Variants in ZNF710 observed in about 807,000 individuals in gnomAD.
ZNF710 encodes the protein zinc finger protein 710.
ZNF710 carries 13 observed loss-of-function variants against 50.6 expected under a neutral mutation model. The observed-to-expected ratio is 0.26, with a 90% CI of 0.17 to 0.41. The LOEUF (loss-of-function observed/expected upper bound fraction) is 0.41, where lower values mean the gene tolerates loss of function less well. Among genes scored for constraint, ZNF710 ranks in the 10% least tolerant of loss-of-function variants. The probability of loss-of-function intolerance (pLI) is 1.00; values close to 1 mark genes in which losing one functional copy is unlikely to be tolerated. For synonymous variants in ZNF710, 383 were observed against 397.0 expected (o/e 0.96, Z 0.42); for missense variants, 721 against 936.6 (o/e 0.77, Z 3.01).
At chr15:90,057,946 T>C (rs1899875597) in intron 1 of ZNF710, among the ~76,000 whole-genome samples, 1 of 152,142 alleles carries the variant, frequency 6.6e-6, no homozygotes, top group African/African-American at 2.4e-5. Flanking sequence ...CATGGGGGCT[T>C]CACCCCTCAT....
At chr15:90,008,010 A>G (rs1898182371) in intron 1 of ZNF710, among the ~76,000 whole-genome samples, 1 of 152,074 alleles carries the variant, frequency 6.6e-6, no homozygotes, top group African/African-American at 2.4e-5. Flanking sequence ...AGGCTAAATT[A>G]AAAATTCTAG....
At chr15:90,004,667 C>T (rs1898094235) in intron 1 of ZNF710, among the ~76,000 whole-genome samples, 1 of 152,186 alleles carries the variant, frequency 6.6e-6, no homozygotes, top group Non-Finnish European at 1.5e-5. Flanking sequence ...GTGGCAGAGC[C>T]AGCACTCAAC....
intron 1 of ZNF710, among the ~76,000 whole-genome samples, chr15:90,061,659 G>C (rs570272049): frequency 8.1e-4 from 124 of 152,208 alleles, no homozygotes; most frequent in African/African-American, 2.9e-3. Flanking sequence ...GATCCCACCC[G>C]ACCCTCCTCT....
At chr15:90,037,578 G>A (rs775418161) in intron 1 of ZNF710, among the ~76,000 whole-genome samples, 74 of 152,348 alleles carry the variant, frequency 4.9e-4, no homozygotes, top group Non-Finnish European at 9.8e-4. Flanking sequence ...CAGAGCTTGG[G>A]TAGCAGAGCT....
chr15:90,009,124 C>T (rs1042267501), intron 1 of ZNF710, among the ~76,000 whole-genome samples: 11 of 151,336 alleles, frequency 7.3e-5, no homozygotes, highest in African/African-American at 2.7e-4. Flanking sequence ...CTGGATGGTA[C>T]CTGAAATGCC....
chr15:90,020,737 AT>A (rs1372945347), intron 1 of ZNF710, among the ~76,000 whole-genome samples: 2 of 152,070 alleles, frequency 1.3e-5, no homozygotes, highest in Non-Finnish European at 2.9e-5. Flanking sequence ...CTCCTTTGTC[AT>A]TTTAGCCCCG....
At chr15:90,025,630 C>G (rs1389034685) in intron 1 of ZNF710, 11 of 152,044 alleles carry the variant, frequency 7.2e-5, no homozygotes, top group Admixed American at 7.2e-4. Context: ...TTATGGCAAA[C>G]AAAAACTTTA....
chr15:90,004,874 G>A (rs544841042), intron 1 of ZNF710, among the ~76,000 whole-genome samples: 2 of 152,224 alleles, frequency 1.3e-5, no homozygotes, highest in East Asian at 3.8e-4. Flanking sequence ...TGGAGGATGT[G>A]ACTGGCCAGT....
Position 90,079,930 on chromosome 15 carries a change from GC to G in ZNF710, c.*105del. 4 of 1,185,554 alleles carry G rather than the reference GC, an allele frequency of 3.4e-6. No homozygotes were observed. The highest frequency in any genetic ancestry group is 3.4e-6 in the Non-Finnish European group (3 of 873,778). 73.4% of individuals were successfully genotyped at this position (1,185,554 alleles called of 1,614,324 possible). A position where few individuals can be genotyped will look rare whatever the true frequency, so the allele number is the denominator to read the frequency against. On this transcript the variant is annotated 3_prime_UTR_variant, in exon 5 of 5. Coordinates refer to ENST00000268154, the MANE Select transcript of ZNF710 (RefSeq NM_198526.4). Reference sequence around the variant, plus strand: ...TCCTGCAGCCGAGAAACAAGCTACTGCCCCACTGTTCTGAGCCCTCCCTCCC... The same window carrying G: ...TCCTGCAGCCGAGAAACAAGCTACTGCCCACTGTTCTGAGCCCTCCCTCCC...
In ZNF710 at chr15:90,042,901, G is replaced by A. The variant is rs528488549; in HGVS notation, c.-28-24209G>A. 7.2e-5 allele frequency among the ~76,000 whole-genome samples: 11 copies of A among 152,348 alleles called. No homozygotes were observed. In the South Asian group the frequency reaches 1.7e-3, roughly 23 times the overall value. ...GGAAGGTGCTGGTCGGCGGTGACCC[G>A]TGATGTGAGAACACGCCTCAACGTC... On this transcript the variant is annotated intron_variant, in intron 1 of 4. Coordinates refer to ENST00000268154, the MANE Select transcript of ZNF710 (RefSeq NM_198526.4).
intron 1 of ZNF710, among the ~76,000 whole-genome samples, chr15:90,035,807 C>A (rs1281851450): frequency 6.6e-6 from 1 of 152,214 alleles, no homozygotes; most frequent in Non-Finnish European, 1.5e-5. Context: ...ATTTTCAGGA[C>A]CAGGTGTAAA....
intron 1 of ZNF710, among the ~76,000 whole-genome samples, chr15:90,048,095 C>T (rs1026595811): frequency 2.0e-5 from 3 of 152,200 alleles, no homozygotes; most frequent in African/African-American, 4.8e-5. Flanking sequence ...GGCACTGTCA[C>T]TCTCAGGGCA....
chr15:90,015,474 G>C (rs537659188), intron 1 of ZNF710, among the ~76,000 whole-genome samples: 1 of 152,212 alleles, frequency 6.6e-6, no homozygotes, highest in African/African-American at 2.4e-5. Context: ...GTGAAATGAT[G>C]CATTTTTCAA....
chr15:90,051,110 A>C (rs1029849332), intron 1 of ZNF710, among the ~76,000 whole-genome samples: 1 of 151,958 alleles, frequency 6.6e-6, no homozygotes, highest in Admixed American at 6.6e-5. Context: ...GTGGTGACAC[A>C]TGCCTGTAGT....
intron 1 of ZNF710, among the ~76,000 whole-genome samples, chr15:90,028,977 G>A (rs1306041813): frequency 6.6e-6 from 1 of 152,184 alleles, no homozygotes; most frequent in East Asian, 1.9e-4. Flanking sequence ...GAGTATTCAT[G>A]TTTTTCTCAT....
At position 90,081,020 on chromosome 15, in the gene ZNF710, G is replaced by A. The variant is rs764926043; in HGVS notation, c.*1191G>A. 1 of 152,242 alleles carries A rather than the reference G, an allele frequency of 6.6e-6. No homozygotes were observed. Among genetic ancestry groups the A allele is most frequent in the Non-Finnish European group, 1.5e-5 (1 of 68,064 alleles). The allele number at this position is 152,242 out of a possible 1,614,324, so 9.4% of individuals were successfully genotyped here. On this transcript the variant is annotated 3_prime_UTR_variant, in exon 5 of 5. Coordinates refer to ENST00000268154, the MANE Select transcript of ZNF710 (RefSeq NM_198526.4). Reference sequence around the variant, plus strand: ...CCGGGCAGGACTGGGGCTCCATGGGGACTGTCACCCTGGCCCTGGAGGTGC... The same window carrying A: ...CCGGGCAGGACTGGGGCTCCATGGGAACTGTCACCCTGGCCCTGGAGGTGC...
intron 3 of ZNF710, among the ~76,000 whole-genome samples, chr15:90,073,791 C>G (rs975800247): frequency 1.3e-5 from 2 of 151,938 alleles, no homozygotes; most frequent in African/African-American, 2.4e-5. Context: ...GAGTTCGAGA[C>G]CAGCCTAGCC....
rs778352014 is a variant in ZNF710 at position 90,079,857 on chromosome 15, C to T, written c.*28C>T. On this transcript the variant is annotated 3_prime_UTR_variant, in exon 5 of 5. Coordinates refer to ENST00000268154, the MANE Select transcript of ZNF710 (RefSeq NM_198526.4). ...CAAGCTGGGCCACCCCTAACGGGGG[C>T]CGGGGGCGAGGGCATGGGGGTGAGA... 5 of 1,565,694 alleles carry T rather than the reference C, an allele frequency of 3.2e-6. No individual in the cohort carries two copies. Among genetic ancestry groups the T allele is most frequent in the South Asian group, 1.2e-5 (1 of 83,270 alleles).
At chr15:90,069,672 T>G (rs375809771) in intron 2 of ZNF710, among the ~76,000 whole-genome samples, 1 of 152,106 alleles carries the variant, frequency 6.6e-6, no homozygotes, top group South Asian at 2.1e-4. Context: ...GCAGAGAAGA[T>G]GTAAGGAAAA....
Sources: allele counts gnomAD v4.1 joint callset (sites outside exome capture counted in the v4.1 genomes callset), GRCh38; gene constraint gnomAD v4.1.1; transcripts MANE v1.5; gene names NCBI Gene and HGNC (gene_info 2026-07-23, HGNC 2026-07-21).